Variants in LPGAT1 observed in about 807,000 individuals in gnomAD.
The protein encoded by LPGAT1 is lysophosphatidylglycerol acyltransferase 1, also known as acyl-CoA:lysophosphatidylglycerol acyltransferase 1.
In LPGAT1, 11 loss-of-function variants were observed where a neutral mutation model predicts 47.5. That is an observed-to-expected ratio of 0.23 (90% CI 0.15 to 0.38). The LOEUF is 0.38. LPGAT1 is among the 10% of genes least tolerant of loss of function. LPGAT1 has a pLI of 1.00. For synonymous variants in LPGAT1, 138 were observed against 144.2 expected (o/e 0.96, Z 0.31); for missense variants, 293 against 439.0 (o/e 0.67, Z 2.97).
chr1:211,815,868 T>C (rs567988298), intron 2 of LPGAT1, among the ~76,000 whole-genome samples: 10 of 142,814 alleles, frequency 7.0e-5, no homozygotes, highest in Admixed American at 7.6e-5. Flanking sequence ...AAGTTCCGCC[T>C]CCCATGTTCA....
intron 6 of LPGAT1, 56 bp from the exon 7 acceptor site, chr1:211,751,123 T>C: frequency 9.1e-7 from 1 of 1,094,784 alleles, no homozygotes; most frequent in South Asian, 1.4e-5. Context: ...GTCAAAATCA[T>C]TCAGAACCAC....
At chr1:211,807,609 A>G (rs1659808696) in intron 2 of LPGAT1, among the ~76,000 whole-genome samples, 1 of 152,196 alleles carries the variant, frequency 6.6e-6, no homozygotes, top group Non-Finnish European at 1.5e-5. Context: ...CTACGTAAGT[A>G]TGGTCAAATG....
intron 3 of LPGAT1, among the ~76,000 whole-genome samples, chr1:211,790,863 C>T (rs796472369): frequency 6.6e-6 from 1 of 152,062 alleles, no homozygotes; most frequent in African/African-American, 2.4e-5. Context: ...ATTTTAATCA[C>T]GAGTTTCAAA....
chr1:211,820,029 G>A (rs1660315698), intron 2 of LPGAT1, among the ~76,000 whole-genome samples: 1 of 151,984 alleles, frequency 6.6e-6, no homozygotes, highest in Admixed American at 6.6e-5. Context: ...TTGGCATGCT[G>A]GAGCCATGTC....
At position 211,783,273 on chromosome 1, in the gene LPGAT1, T is replaced by C. The variant is rs745784441; in HGVS notation, c.683A>G (p.Gln228Arg). 1.9e-6 allele frequency: 3 copies of C among 1,613,660 alleles called. No homozygotes were observed. Among genetic ancestry groups the C allele is most frequent in the Non-Finnish European group, 2.5e-6 (3 of 1,179,656 alleles). The change falls in exon 5 of 8, where the codon CAA becomes CGA. Residue 228 changes from glutamine (Q) to arginine (R), a missense_variant. Coordinates refer to ENST00000366997, the MANE Select transcript of LPGAT1 (RefSeq NM_014873.3). Reference sequence around the variant, plus strand: ...TCCTGCTGGACTTCCATTTTTCTGTTGTGCTACAAGTGCATTCAAAATAAT... The same window carrying C: ...TCCTGCTGGACTTCCATTTTTCTGTCGTGCTACAAGTGCATTCAAAATAAT... ...TKIILNALVAQQKNGSPAGGD... is the reference protein window; with the variant it reads ...TKIILNALVARQKNGSPAGGD...
intron 6 of LPGAT1, among the ~76,000 whole-genome samples, chr1:211,769,258 A>G (rs564782127): frequency 6.6e-6 from 1 of 152,316 alleles, no homozygotes; most frequent in Non-Finnish European, 1.5e-5. Context: ...ATGTATTTAA[A>G]TTTAGAAGCA....
intron 2 of LPGAT1, among the ~76,000 whole-genome samples, chr1:211,820,356 A>G (rs1660326061): frequency 6.6e-6 from 1 of 152,212 alleles, no homozygotes; most frequent in Admixed American, 6.5e-5. Flanking sequence ...CAACTGTCAG[A>G]GTACACTAAA....
chr1:211,815,841 C>G (rs1257064593), intron 2 of LPGAT1, among the ~76,000 whole-genome samples: 1 of 145,094 alleles, frequency 6.9e-6, no homozygotes, highest in African/African-American at 2.5e-5. Context: ...TGCAGTGGCA[C>G]AATCTCGGCT....
At chr1:211,818,175 A>G (rs12129898) in intron 2 of LPGAT1, among the ~76,000 whole-genome samples, 18,117 of 152,206 alleles carry the variant, frequency 0.12, 1,274 homozygotes, top group Non-Finnish European at 0.15. Flanking sequence ...AGTCTTAGGC[A>G]CTACTAGGGC....
At position 211,808,933 on chromosome 1, in the gene LPGAT1, C is replaced by T. The variant is rs530070924; in HGVS notation, c.239-15743G>A. Among the ~76,000 whole-genome samples the T allele has an allele frequency of 6.6e-5, 10 of 152,186 alleles. No homozygotes were observed. In the East Asian group the frequency reaches 1.9e-3, roughly 29 times the overall value. On this transcript the variant is annotated intron_variant, in intron 2 of 7. Coordinates refer to ENST00000366997, the MANE Select transcript of LPGAT1 (RefSeq NM_014873.3). Reference sequence around the variant, plus strand: ...ATTGTGTTGGCCAGGCACGGTGGCTCACGCCTGTAATCCCAGCACTTTGGG... The same window carrying T: ...ATTGTGTTGGCCAGGCACGGTGGCTTACGCCTGTAATCCCAGCACTTTGGG...
intron 6 of LPGAT1, among the ~76,000 whole-genome samples, chr1:211,754,954 C>T (rs1230537188): frequency 6.7e-6 from 1 of 149,424 alleles, no homozygotes; most frequent in African/African-American, 2.5e-5. Context: ...GTGGAGGTTG[C>T]AGCAAGCCGC....
At chr1:211,765,659 A>G (rs1385801373) in intron 6 of LPGAT1, among the ~76,000 whole-genome samples, 1 of 152,192 alleles carries the variant, frequency 6.6e-6, no homozygotes, top group East Asian at 1.9e-4. Flanking sequence ...TTTATTTCCA[A>G]TGCTTATTTC....
intron 6 of LPGAT1, among the ~76,000 whole-genome samples, chr1:211,771,477 G>A (rs182217861): frequency 9.5e-4 from 144 of 151,198 alleles, no homozygotes; most frequent in Non-Finnish European, 1.4e-3. Context: ...TTTTTAATTG[G>A]ACATTTTATT....
At chr1:211,794,978 G>C (rs918305740) in intron 2 of LPGAT1, among the ~76,000 whole-genome samples, 1 of 152,186 alleles carries the variant, frequency 6.6e-6, no homozygotes, top group African/African-American at 2.4e-5. Context: ...TAAAAGCAAA[G>C]ATGAAAACAA....
rs1339199577 is a variant in LPGAT1 at position 211,805,163 on chromosome 1, A to C, written c.239-11973T>G. Among the ~76,000 whole-genome samples, 3 of 152,278 alleles carry C rather than the reference A, an allele frequency of 2.0e-5. No individual in the cohort carries two copies. In the East Asian group the frequency reaches 5.8e-4, roughly 29 times the overall value. ...ATGAAAGCAAAAGTGACTCTTTGAA[A>C]AGGCCAATACAAGTTATCAAATTAA... On this transcript the variant is annotated intron_variant, in intron 2 of 7. Transcript: ENST00000366997.
At position 211,751,098 on chromosome 1, in the gene LPGAT1, C is replaced by T. The variant is rs375809871; in HGVS notation, c.855-31G>A. 26 of 1,381,678 alleles carry T rather than the reference C, an allele frequency of 1.9e-5. No individual in the cohort carries two copies. The African/African-American group carries it at 3.5e-4, about 18-fold the overall frequency. The allele number at this position is 1,381,678 out of a possible 1,614,324, so 85.6% of individuals were successfully genotyped here. A position where few individuals can be genotyped will look rare whatever the true frequency, so the allele number is the denominator to read the frequency against. On this transcript the variant is annotated intron_variant, in intron 6 of 7. Transcript: ENST00000366997. ...AAGGGTTAGAAGAAAAGAACAAAAA[C>T]TATTTAGTTCAGAAGTCAAAATCAT...
intron 2 of LPGAT1, among the ~76,000 whole-genome samples, chr1:211,798,313 A>C (rs549538023): frequency 6.6e-6 from 1 of 152,338 alleles, no homozygotes; most frequent in Non-Finnish European, 1.5e-5. Context: ...TAATGGGATT[A>C]AAGTCACTTT....
rs576474595 is a variant in LPGAT1 at position 211,775,382 on chromosome 1, T to G, written c.854+3536A>C. On this transcript the variant is annotated intron_variant, in intron 6 of 7. Transcript: ENST00000366997. ...AATAAATTATGCTAACTATATTGTT[T>G]CCCAAGTGAATTCTGACGGTAAGGA... Among the ~76,000 whole-genome samples the G allele has an allele frequency of 2.0e-5, 3 of 152,230 alleles. No homozygotes were observed. In the South Asian group the frequency reaches 6.2e-4, roughly 32 times the overall value.
At chr1:211,791,711 C>A (rs1356032465) in intron 3 of LPGAT1, among the ~76,000 whole-genome samples, 1 of 142,848 alleles carries the variant, frequency 7.0e-6, no homozygotes, top group Non-Finnish European at 1.5e-5. Context: ...TGTGCCACTG[C>A]ACTCCAGCCT....
Sources: allele counts gnomAD v4.1 joint callset (sites outside exome capture counted in the v4.1 genomes callset), GRCh38; gene constraint gnomAD v4.1.1; transcripts MANE v1.5; gene names NCBI Gene and HGNC (gene_info 2026-07-23, HGNC 2026-07-21).